GLCE: variants seen among roughly 807,000 people sequenced by gnomAD.
GLCE encodes D-glucuronyl C5-epimerase.
GLCE carries 19 observed loss-of-function variants against 47.9 expected under a neutral mutation model. The observed-to-expected ratio is 0.40, with a 90% CI of 0.28 to 0.58. The LOEUF (loss-of-function observed/expected upper bound fraction) is 0.58, where lower values mean the gene tolerates loss of function less well. GLCE is among the 20% of genes least tolerant of loss of function. The pLI is 0.48. For missense variants in GLCE, 556 were observed against 743.3 expected (o/e 0.75, Z 2.93); for synonymous variants, 245 against 263.4 (o/e 0.93, Z 0.68).
chr15:69,232,456 T>A (rs1566963522), intron 2 of GLCE, among the ~76,000 whole-genome samples: 1 of 151,896 alleles, frequency 6.6e-6, no homozygotes, highest in African/African-American at 2.4e-5. Context: ...ATGAATCGTG[T>A]GTGTGTGTGT....
intron 3 of GLCE, among the ~76,000 whole-genome samples, chr15:69,258,938 T>C (rs2052974242): frequency 1.3e-5 from 2 of 152,228 alleles, no homozygotes; most frequent in South Asian, 2.1e-4. Flanking sequence ...TCTGAGAATA[T>C]AATTAACTGC....
intron 2 of GLCE, among the ~76,000 whole-genome samples, chr15:69,232,488 C>T (rs981639782): frequency 2.6e-5 from 4 of 151,736 alleles, no homozygotes; most frequent in Admixed American, 2.0e-4. Flanking sequence ...TTAATATGTC[C>T]GTATGTTCTT....
At chr15:69,235,093 C>CTTTTTTTTTTTTTTTTT (rs869212730) in intron 2 of GLCE, among the ~76,000 whole-genome samples, 1 of 62,878 alleles carries the variant, frequency 1.6e-5, no homozygotes, top group Admixed American at 2.6e-4. Flanking sequence ...GAAGATTATT[C>CTTTTTTTTTTTTTTTTT]TTTTTTTTTT....
intron 3 of GLCE, among the ~76,000 whole-genome samples, chr15:69,257,159 T>G (rs918129117): frequency 6.6e-6 from 1 of 152,152 alleles, no homozygotes; most frequent in Non-Finnish European, 1.5e-5. Context: ...GGAAAGAAGT[T>G]TGTGCTCACT....
chr15:69,184,203 A>G (rs1234082481), intron 1 of GLCE, among the ~76,000 whole-genome samples: 1 of 152,198 alleles, frequency 6.6e-6, no homozygotes, highest in African/African-American at 2.4e-5. Context: ...ACATGGCTTA[A>G]TGCTGATCCT....
At chr15:69,264,815 A>G (rs1055415397) in intron 4 of GLCE, among the ~76,000 whole-genome samples, 1 of 152,062 alleles carries the variant, frequency 6.6e-6, no homozygotes, top group Non-Finnish European at 1.5e-5. Flanking sequence ...GCACCTTTTT[A>G]TATACCTTTT....
At chr15:69,207,198 A>G (rs1242306082) in intron 1 of GLCE, among the ~76,000 whole-genome samples, 1 of 152,150 alleles carries the variant, frequency 6.6e-6, no homozygotes, top group Non-Finnish European at 1.5e-5. Flanking sequence ...TAATACAGCC[A>G]GATTCATTTG....
At chr15:69,221,143 T>G (rs979872170) in intron 2 of GLCE, among the ~76,000 whole-genome samples, 11 of 152,372 alleles carry the variant, frequency 7.2e-5, no homozygotes, top group Admixed American at 2.0e-4. Context: ...AGTACCATAC[T>G]GTTTTGATCA....
chr15:69,256,375 G>A lies in GLCE; in HGVS notation c.569G>A (p.Cys190Tyr). The change falls in exon 3 of 5, where the codon TGC becomes TAC. Residue 190 changes from cysteine to tyrosine, a missense_variant. Transcript: ENST00000261858. Reference sequence around the variant, plus strand: ...GTGGAAGTCCGAGACAGAGTCAAGTGCATAAGTGGGGTTGAAGGTTGGTAT... The same window carrying A: ...GTGGAAGTCCGAGACAGAGTCAAGTACATAAGTGGGGTTGAAGGTTGGTAT... Reference protein sequence around the residue: ...YNVEVRDRVKCISGVEGVPLS... With the variant: ...YNVEVRDRVKYISGVEGVPLS... The A allele has an allele frequency of 6.2e-7, 1 of 1,609,184 alleles. No homozygotes were observed. The highest frequency in any genetic ancestry group is 8.5e-7 in the Non-Finnish European group (1 of 1,177,146).
chr15:69,240,283 C>CAAAAAAAA (rs545688611), intron 2 of GLCE, among the ~76,000 whole-genome samples: 3 of 18,380 alleles, frequency 1.6e-4, no homozygotes, highest in African/African-American at 3.5e-4. Context: ...GACTCCGTCT[C>CAAAAAAAA]AAAAAAAAAA....
At chr15:69,236,451 T>TGTA (rs975566765) in intron 2 of GLCE, among the ~76,000 whole-genome samples, 1 of 151,998 alleles carries the variant, frequency 6.6e-6, no homozygotes, top group Admixed American at 6.6e-5. Context: ...AAAATTAGCA[T>TGTA]GTAGTAGTAG....
chr15:69,264,784 C>T (rs940543009), intron 4 of GLCE, among the ~76,000 whole-genome samples: 3 of 152,006 alleles, frequency 2.0e-5, no homozygotes, highest in Non-Finnish European at 4.4e-5. Flanking sequence ...CATTTATTTC[C>T]CTCGTGATTA....
intron 2 of GLCE, among the ~76,000 whole-genome samples, chr15:69,213,474 A>C (rs2052261410): frequency 6.6e-6 from 1 of 152,116 alleles, no homozygotes; most frequent in Non-Finnish European, 1.5e-5. Context: ...AACTAGATTG[A>C]AGTTACAGAT....
At chr15:69,204,510 C>G (rs1409907470) in intron 1 of GLCE, among the ~76,000 whole-genome samples, 1 of 151,988 alleles carries the variant, frequency 6.6e-6, no homozygotes, top group African/African-American at 2.4e-5. Context: ...ATCTCAAACT[C>G]CTGACCTCAG....
intron 2 of GLCE, among the ~76,000 whole-genome samples, chr15:69,214,984 C>T (rs2052284736): frequency 1.3e-5 from 2 of 152,126 alleles, no homozygotes; most frequent in African/African-American, 4.8e-5. Flanking sequence ...CTGTATATCC[C>T]CATCAATCTA....
intron 1 of GLCE, among the ~76,000 whole-genome samples, chr15:69,195,709 G>A (rs1222445682): frequency 6.6e-6 from 1 of 152,108 alleles, no homozygotes; most frequent in Non-Finnish European, 1.5e-5. Flanking sequence ...TAATGAGGGT[G>A]TTAAATCTGT....
rs1227521474 is a variant in GLCE, at chr15:69,269,005, G to A, written c.1615G>A (p.Glu539Lys). 5 of 1,614,200 alleles carry A rather than the reference G, an allele frequency of 3.1e-6. No individual in the cohort carries two copies. The highest frequency in any genetic ancestry group is 8.5e-7 in the Non-Finnish European group (1 of 1,180,024). Reference protein sequence around the residue: ...KLGKEARSLYERGMESLKAML... With the variant: ...KLGKEARSLYKRGMESLKAML... Reference sequence around the variant, plus strand: ...CGGAAAAGAAGCAAGGTCCTTGTATGAGCGTGGCATGGAATCTCTTAAAGC... The same window carrying A: ...CGGAAAAGAAGCAAGGTCCTTGTATAAGCGTGGCATGGAATCTCTTAAAGC... Residue 539 changes from glutamate (E) to lysine (K), a missense_variant, in exon 5 of 5, where the codon GAG becomes AAG. Around this residue, in one of 3 missense-constraint regions of GLCE, gnomAD observed 245 missense variants for 368.1 expected, o/e 0.67. Transcript: ENST00000261858.
intron 2 of GLCE, among the ~76,000 whole-genome samples, chr15:69,218,065 A>G (rs1327920669): frequency 6.7e-6 from 1 of 150,310 alleles, no homozygotes; most frequent in African/African-American, 2.5e-5. Context: ...AAGGCAGGAG[A>G]ATCAATTGAA....
At chr15:69,187,137 G>A (rs1178725651) in intron 1 of GLCE, among the ~76,000 whole-genome samples, 1 of 152,098 alleles carries the variant, frequency 6.6e-6, no homozygotes, top group African/African-American at 2.4e-5. Context: ...TATAGTTTCT[G>A]TATCTCATTA....
Sources: allele counts gnomAD v4.1 joint callset (sites outside exome capture counted in the v4.1 genomes callset), GRCh38; gene constraint gnomAD v4.1.1; regional missense constraint gnomAD v4.1.1; transcripts MANE v1.5; gene names NCBI Gene and HGNC (gene_info 2026-07-23, HGNC 2026-07-21).